The following VNN2 variants were observed in gnomAD, a reference collection of about 807,000 sequenced individuals.
VNN2 encodes the protein pantetheine hydrolase VNN2.
A neutral mutation model predicts 43.0 loss-of-function variants in VNN2; 43 were observed. The observed-to-expected ratio is 1.00, with a 90% confidence interval of 0.78 to 1.29. VNN2 has a LOEUF of 1.29. Among genes scored for constraint, VNN2 ranks in the 50% most tolerant of loss-of-function variants. The pLI, the probability that VNN2 is intolerant of heterozygous loss-of-function variation, is 0.00. For missense variants in VNN2, 652 were observed against 619.7 expected, an observed-to-expected ratio of 1.05 and a Z score of -0.55; for synonymous variants, 230 against 224.3, an observed-to-expected ratio of 1.03 and a Z score of -0.23.
chr6:132,745,363 G>A (rs942540446), intron 6 of VNN2, among the ~76,000 whole-genome samples: 4 of 152,084 alleles, frequency 2.6e-5, no homozygotes, highest in Admixed American at 6.5e-5. Flanking sequence ...TTACAGGGGC[G>A]TGCCACCAAG....
At chr6:132,759,487 TGATCTCA>T (rs1780686503), upstream of VNN2, among the ~76,000 whole-genome samples, 1 of 150,864 alleles carries the variant, frequency 6.6e-6, no homozygotes, top group African/African-American at 2.5e-5. Context: ...ATACAGGATG[TGATCTCA>T]GATGCCTTCT....
rs745816478 is a variant in VNN2 at position 132,744,490 on chromosome 6, A to G, written c.1373T>C (p.Val458Ala). The G allele has an allele frequency of 3.2e-6, 5 of 1,568,686 alleles. No homozygotes were observed. The highest frequency in any genetic ancestry group is 3.4e-6 in the Non-Finnish European group (4 of 1,163,238). The part of the protein sequence containing the change: ...EIHLSPGKFE[V>A]LKDGRLVNKN... ...GTTTACCAAACGCCCATCTTTCAGC[A>G]CCTAAAGAAAAGGTGGGAAAAGTAC... is the stretch of plus-strand genomic sequence containing the variant. Residue 458 changes from valine to alanine, a missense_variant and splice_region_variant, in exon 7 of 7, where the codon GTG (valine) becomes GCG (alanine). Val to Ala is a moderately conservative substitution (Grantham distance 64, BLOSUM62 0). Transcript: ENST00000326499.
At chr6:132,744,919 G>GA (rs143447195) in intron 6 of VNN2, among the ~76,000 whole-genome samples, 22 of 148,994 alleles carry the variant, frequency 1.5e-4, no homozygotes, top group Non-Finnish European at 1.8e-4. Context: ...GGAGGTCTGA[G>GA]AAAAAAAAAA....
At chr6:132,758,106 G>T (rs556775908), upstream of VNN2, 3 of 402,768 alleles carry the variant, frequency 7.4e-6, no homozygotes, top group Non-Finnish European at 1.3e-5. Context: ...ATGCAGTGGC[G>T]CAAGCTCAGC....
chr6:132,753,033 T>A (rs940312750), intron 3 of VNN2: 16 of 309,432 alleles, frequency 5.2e-5, no homozygotes, highest in Non-Finnish European at 9.0e-5. Context: ...GTCCGTAAGC[T>A]TTTTTTAAAT....
At chr6:132,759,461 A>AAT (rs1491020210), upstream of VNN2, among the ~76,000 whole-genome samples, 1 of 145,824 alleles carries the variant, frequency 6.9e-6, no homozygotes, top group Non-Finnish European at 1.5e-5. Context: ...AAAAAAAAAA[A>AAT]CAATAATAAC....
At chr6:132,745,945 G>A (rs557262859) in intron 6 of VNN2, among the ~76,000 whole-genome samples, 64 of 152,298 alleles carry the variant, frequency 4.2e-4, no homozygotes, top group Middle Eastern at 3.4e-3. Flanking sequence ...TGAAAATTAG[G>A]AAAACAGATG....
intron 6 of VNN2, among the ~76,000 whole-genome samples, chr6:132,746,494 A>G (rs753032542): frequency 2.0e-5 from 3 of 152,180 alleles, no homozygotes; most frequent in Non-Finnish European, 4.4e-5. Context: ...CATGCCCTGC[A>G]AGGTCTCTAG....
At chr6:132,747,263 T>C (rs914438245) in intron 6 of VNN2, among the ~76,000 whole-genome samples, 23 of 152,156 alleles carry the variant, frequency 1.5e-4, no homozygotes, top group Admixed American at 6.5e-4. Context: ...ACACATTGCA[T>C]GTCTGTATCA....
chr6:132,747,827 T>C (rs1298151846), intron 6 of VNN2, among the ~76,000 whole-genome samples: 1 of 152,222 alleles, frequency 6.6e-6, no homozygotes, highest in Non-Finnish European at 1.5e-5. Context: ...CTTCATGCAC[T>C]ATCACCATCC....
At position 132,744,420 on chromosome 6, in the gene VNN2, C is replaced by G; in HGVS notation, c.1443G>C (p.Gly481=). Residue 481 remains glycine, a synonymous_variant, in exon 7 of 7, where the codon GGG becomes GGC. Coordinates refer to ENST00000326499, the MANE Select transcript of VNN2 (RefSeq NM_004665.6). The part of the protein sequence containing the change: ...SGPILTVSLF[G]RWYTKDSLYS... Reference sequence around the variant, plus strand: ...AAAGTGAGTCCTTTGTGTACCACCTCCCAAAGAGTGACACTGTTAGTATAG... The same window carrying G: ...AAAGTGAGTCCTTTGTGTACCACCTGCCAAAGAGTGACACTGTTAGTATAG... 1 of 1,613,526 alleles carries G rather than the reference C, an allele frequency of 6.2e-7. No homozygotes were observed.
At chr6:132,755,719 C>A (rs1306519860) in intron 3 of VNN2, 124 bp downstream of exon 3, 3 of 1,105,790 alleles carry the variant, frequency 2.7e-6, no homozygotes, top group Non-Finnish European at 2.5e-6. Context: ...AAACAAAAAA[C>A]AAAACAAAAC....
intron 6 of VNN2, among the ~76,000 whole-genome samples, chr6:132,748,088 G>A (rs1180741949): frequency 6.6e-6 from 1 of 152,128 alleles, no homozygotes; most frequent in Non-Finnish European, 1.5e-5. Flanking sequence ...AAATCTTCAG[G>A]CTTACAGAAT....
At chr6:132,750,497 G>GTGTATATATATATATATATATATATATA in intron 5 of VNN2, among the ~76,000 whole-genome samples, 1 of 103,684 alleles carries the variant, frequency 9.6e-6, no homozygotes, top group Non-Finnish European at 2.0e-5. Flanking sequence ...TTGTATATGT[G>GTGTATATATATATATATATATATATATA]TATATATATA....
In VNN2 at chr6:132,744,679, G is replaced by A. The variant is rs1779617052; in HGVS notation, c.1372-188C>T. On this transcript the variant is annotated intron_variant, in intron 6 of 6. Coordinates refer to ENST00000326499, the MANE Select transcript of VNN2 (RefSeq NM_004665.6). ...ATGAAGACTAGAGCAATTCAAGAGG[G>A]CCCAAGATTTTAGTTTCAACAATCA... 3.3e-5 allele frequency among the ~76,000 whole-genome samples: 5 copies of A among 152,196 alleles called. No homozygotes were observed. In the South Asian group the frequency reaches 1.0e-3, roughly 32 times the overall value.
rs371660520 is a variant in VNN2, at chr6:132,755,714, A to AAAAAC, written c.537+124_537+128dup. The AAAAAC allele has an allele frequency of 2.0e-4, 215 of 1,096,536 alleles. 2 individuals are homozygous for AAAAAC. The African/African-American group carries it at 3.0e-3, about 16-fold the overall frequency. The allele number at this position is 1,096,536 out of a possible 1,614,324, so 67.9% of individuals were successfully genotyped here. ...CTTTATTGCCCACTTTCAAAAAACA[A>AAAAAC]AAAACAAAACAAAACAAAAAAACCC... On this transcript the variant is annotated intron_variant, in intron 3 of 6. Transcript: ENST00000326499.
chr6:132,747,007 C>T (rs1779757522), intron 6 of VNN2, among the ~76,000 whole-genome samples: 2 of 152,106 alleles, frequency 1.3e-5, no homozygotes, highest in Admixed American at 6.5e-5. Flanking sequence ...TCACATGGCT[C>T]TTTCATATCT....
At position 132,750,579 on chromosome 6, in the gene VNN2, G is replaced by A. The variant is rs545191302; in HGVS notation, c.1200+566C>T. On this transcript the variant is annotated intron_variant, in intron 5 of 6. Transcript: ENST00000326499. Reference sequence around the variant, plus strand: ...CTCAGGAGGCTGAGGCATGAGAATCGCTTGAACCTGGGAGGCAGAGGTTGT... The same window carrying A: ...CTCAGGAGGCTGAGGCATGAGAATCACTTGAACCTGGGAGGCAGAGGTTGT... Among the ~76,000 whole-genome samples, 887 of 144,550 alleles carry A rather than the reference G, an allele frequency of 6.1e-3. 9 individuals are homozygous for A. The highest frequency in any genetic ancestry group is 0.021 in the African/African-American group (827 of 39,218). 94.8% of individuals were successfully genotyped at this position (144,550 alleles called of 152,430 possible). A position where few individuals can be genotyped will look rare whatever the true frequency, so the allele number is the denominator to read the frequency against.
chr6:132,749,741 G>A lies in VNN2; in HGVS notation c.1325C>T (p.Pro442Leu), dbSNP rs1296600116. The A allele has an allele frequency of 6.2e-7, 1 of 1,613,776 alleles. No individual in the cohort carries two copies. Residue 442 changes from proline to leucine, a missense_variant, in exon 6 of 7, where the codon CCT (proline) becomes CTT (leucine). Physicochemically the swap from Pro to Leu is moderately conservative, Grantham distance 98. Transcript: ENST00000326499. ...ATGAATTTCGGTAAGTAGCACTTCA[G>A]GAAAAACATACTCTGTTCCAAATGT... The part of the protein sequence containing the change: ...SGTFGTEYVF[P>L]EVLLTEIHLS...
Sources: allele counts gnomAD v4.1 joint callset (sites outside exome capture counted in the v4.1 genomes callset), GRCh38; gene constraint gnomAD v4.1.1; transcripts MANE v1.5; gene names NCBI Gene and HGNC (gene_info 2026-07-23, HGNC 2026-07-21).